The following PRELID2 variants were observed in gnomAD, a reference collection of about 807,000 sequenced individuals.
The protein encoded by PRELID2 is PRELI domain containing 2, also known as PRELI domain-containing protein 2.
In PRELID2, 25 loss-of-function variants were observed where a neutral mutation model predicts 28.4. That is an observed-to-expected ratio of 0.88 (90% CI 0.64 to 1.23). PRELID2 has a LOEUF of 1.23. Ranked by LOEUF, PRELID2 falls within the 50% of genes most tolerant of loss-of-function variation. PRELID2 has a pLI of 0.00. For missense variants in PRELID2, 201 were observed against 214.4 expected, an observed-to-expected ratio of 0.94 and a Z score of 0.39; for synonymous variants, 76 against 71.6, an observed-to-expected ratio of 1.06 and a Z score of -0.31.
the PRELID2 span, among the ~76,000 whole-genome samples, chr5:145,362,114 T>C: frequency 6.6e-6 from 1 of 152,200 alleles, no homozygotes; most frequent in African/African-American, 2.4e-5. Context: ...CTCCAGTGCC[T>C]TGTTTAGTGC....
At chr5:145,829,359 T>C (rs892079855) in intron 1 of PRELID2, among the ~76,000 whole-genome samples, 2 of 152,226 alleles carry the variant, frequency 1.3e-5, no homozygotes, top group South Asian at 2.1e-4. Flanking sequence ...TCTAAGTTAG[T>C]AATGATTTCT....
intron 1 of PRELID2, among the ~76,000 whole-genome samples, chr5:145,641,628 A>C (rs897522256): frequency 3.3e-5 from 5 of 152,168 alleles, no homozygotes; most frequent in South Asian, 2.1e-4. Flanking sequence ...AATCTCCTAC[A>C]TTAGGTATTT....
chr5:145,267,356 C>T, the PRELID2 span, among the ~76,000 whole-genome samples: 1 of 152,128 alleles, frequency 6.6e-6, no homozygotes, highest in Non-Finnish European at 1.5e-5. Flanking sequence ...CAGACACACT[C>T]AGGATCAATA....
chr5:145,375,924 GGCT>G, the PRELID2 span, among the ~76,000 whole-genome samples: 1 of 152,148 alleles, frequency 6.6e-6, no homozygotes, highest in Non-Finnish European at 1.5e-5. Flanking sequence ...TGCCAGTGCT[GGCT>G]GCTATGTTGA....
At chr5:145,582,310 G>A (rs1323691505) in intron 1 of PRELID2, among the ~76,000 whole-genome samples, 3 of 152,036 alleles carry the variant, frequency 2.0e-5, no homozygotes, top group Non-Finnish European at 4.4e-5. Context: ...TATAATCATG[G>A]CAGACGGTAA....
intron 1 of PRELID2, among the ~76,000 whole-genome samples, chr5:145,508,774 A>G (rs1752436737): frequency 6.6e-6 from 1 of 152,132 alleles, no homozygotes; most frequent in Admixed American, 6.6e-5. Flanking sequence ...GGCAAAGGAG[A>G]AAACAAACAT....
At chr5:145,811,278 G>T (rs983959281) in intron 4 of PRELID2, among the ~76,000 whole-genome samples, 1 of 151,840 alleles carries the variant, frequency 6.6e-6, no homozygotes, top group African/African-American at 2.4e-5. Context: ...AACTCAAGAT[G>T]AGATTTGGGT....
At chr5:145,397,203 A>G in the PRELID2 span, among the ~76,000 whole-genome samples, 1 of 152,112 alleles carries the variant, frequency 6.6e-6, no homozygotes, top group South Asian at 2.1e-4. Flanking sequence ...AAGATCTATA[A>G]AGCATCCATT....
At chr5:145,378,124 T>G in the PRELID2 span, among the ~76,000 whole-genome samples, 1 of 152,174 alleles carries the variant, frequency 6.6e-6, no homozygotes, top group Non-Finnish European at 1.5e-5. Context: ...CCCAATCTCT[T>G]CTGTCTTCCA....
intron 1 of PRELID2, among the ~76,000 whole-genome samples, chr5:145,830,355 A>G (rs1259795691): frequency 6.6e-6 from 1 of 152,224 alleles, no homozygotes; most frequent in Admixed American, 6.5e-5. Flanking sequence ...AGTCAATATA[A>G]TAGCTCTCTG....
intron 1 of PRELID2, among the ~76,000 whole-genome samples, chr5:145,660,367 A>G (rs1754469723): frequency 6.6e-6 from 1 of 152,202 alleles, no homozygotes; most frequent in Admixed American, 6.5e-5. Flanking sequence ...AGCCCAAGGC[A>G]GGACCACACT....
chr5:145,417,375 G>T, the PRELID2 span, among the ~76,000 whole-genome samples: 1 of 152,056 alleles, frequency 6.6e-6, no homozygotes, highest in Non-Finnish European at 1.5e-5. Flanking sequence ...TGAAAAGAAG[G>T]AACTCCTCTG....
At chr5:145,248,215 C>T in the PRELID2 span, among the ~76,000 whole-genome samples, 12 of 152,066 alleles carry the variant, frequency 7.9e-5, no homozygotes, top group East Asian at 9.7e-4. Context: ...CGTTCCCCCC[C>T]CTTCTTAACC....
chr5:145,623,243 G>A (rs950046236), intron 1 of PRELID2, among the ~76,000 whole-genome samples: 4 of 151,740 alleles, frequency 2.6e-5, no homozygotes, highest in African/African-American at 9.7e-5. Context: ...GAGGTCATGA[G>A]ATTGAGACCA....
At chr5:145,405,791 C>T in the PRELID2 span, among the ~76,000 whole-genome samples, 198 of 150,784 alleles carry the variant, frequency 1.3e-3, no homozygotes, top group African/African-American at 3.8e-3. Context: ...CTGCAAGCTC[C>T]GCCTCCCAGG....
At chr5:145,824,447 T>TGA in intron 1 of PRELID2, among the ~76,000 whole-genome samples, 2 of 137,678 alleles carry the variant, frequency 1.5e-5, no homozygotes, top group South Asian at 4.8e-4. Flanking sequence ...TGTGTGTGTG[T>TGA]GTGTGTGTGT....
At chr5:145,451,587 AGTGCT>A in the PRELID2 span, among the ~76,000 whole-genome samples, 1 of 152,086 alleles carries the variant, frequency 6.6e-6, no homozygotes, top group African/African-American at 2.4e-5. Flanking sequence ...AGCTCACAAT[AGTGCT>A]GAACACACTT....
At chr5:145,737,600 T>A (rs1323843955) in intron 1 of PRELID2, among the ~76,000 whole-genome samples, 1 of 152,138 alleles carries the variant, frequency 6.6e-6, no homozygotes, top group East Asian at 1.9e-4. Flanking sequence ...CAAGCACAGA[T>A]AATTTTTTAA....
chr5:145,476,774 C>G (rs2126611628), intron 1 of PRELID2, among the ~76,000 whole-genome samples: 1 of 152,148 alleles, frequency 6.6e-6, no homozygotes. Context: ...ATAAATTCTC[C>G]TTTTTATGTG....
Sources: allele counts gnomAD v4.1 joint callset (sites outside exome capture counted in the v4.1 genomes callset), GRCh38; gene constraint gnomAD v4.1.1; transcripts MANE v1.5; gene names NCBI Gene and HGNC (gene_info 2026-07-23, HGNC 2026-07-21).